ST6GALNAC3: variants seen among roughly 807,000 people sequenced by gnomAD.
ST6GALNAC3 encodes alpha-N-acetylgalactosaminide alpha-2,6-sialyltransferase 3.
A neutral mutation model predicts 32.7 loss-of-function variants in ST6GALNAC3; 25 were observed. The observed-to-expected ratio is 0.76, with a 90% confidence interval of 0.56 to 1.07. ST6GALNAC3 has a LOEUF of 1.07. Ranked by LOEUF, ST6GALNAC3 falls within the 50% of genes least tolerant of loss-of-function variation. ST6GALNAC3 has a pLI of 0.00. For synonymous variants in ST6GALNAC3, 129 were observed against 133.1 expected, an observed-to-expected ratio of 0.97 and a Z score of 0.21; for missense variants, 355 against 382.4, an observed-to-expected ratio of 0.93 and a Z score of 0.60.
chr1:76,428,915 AAT>A (rs1241550038), intron 3 of ST6GALNAC3, among the ~76,000 whole-genome samples: 1 of 152,146 alleles, frequency 6.6e-6, no homozygotes, highest in Non-Finnish European at 1.5e-5. Context: ...CATCTCATAT[AAT>A]ATGAGTTTTG....
chr1:76,305,727 C>T (rs148378411), intron 1 of ST6GALNAC3, among the ~76,000 whole-genome samples: 37 of 152,090 alleles, frequency 2.4e-4, no homozygotes, highest in African/African-American at 8.0e-4. Context: ...ATAGAGTGTA[C>T]GTGCATGAAT....
intron 3 of ST6GALNAC3, among the ~76,000 whole-genome samples, chr1:76,545,258 A>G (rs1664221734): frequency 1.3e-5 from 2 of 152,170 alleles, no homozygotes; most frequent in African/African-American, 2.4e-5. Flanking sequence ...CCTATCCTAC[A>G]TTGCAAAATC....
chr1:76,385,019 T>C (rs1199247012), intron 2 of ST6GALNAC3, among the ~76,000 whole-genome samples: 1 of 152,080 alleles, frequency 6.6e-6, no homozygotes. Context: ...TACCATAATA[T>C]TTCATTTATA....
chr1:76,378,842 T>C (rs1410997670), intron 2 of ST6GALNAC3, among the ~76,000 whole-genome samples: 1 of 152,130 alleles, frequency 6.6e-6, no homozygotes, highest in Non-Finnish European at 1.5e-5. Flanking sequence ...TTCCCAACTT[T>C]TATGGTGTAG....
At chr1:76,089,140 T>A (rs1337930514) in intron 1 of ST6GALNAC3, among the ~76,000 whole-genome samples, 1 of 152,314 alleles carries the variant, frequency 6.6e-6, no homozygotes, top group East Asian at 1.9e-4. Flanking sequence ...ACCATTCTCC[T>A]GCCTCAGCTT....
chr1:76,457,343 G>GA (rs1388160352), intron 3 of ST6GALNAC3, among the ~76,000 whole-genome samples: 2 of 152,116 alleles, frequency 1.3e-5, no homozygotes, highest in African/African-American at 4.8e-5. Context: ...CACGGAACTG[G>GA]AAAAAACTAC....
At chr1:76,293,205 C>T (rs1332356337) in intron 1 of ST6GALNAC3, among the ~76,000 whole-genome samples, 2 of 152,098 alleles carry the variant, frequency 1.3e-5, no homozygotes, top group Non-Finnish European at 2.9e-5. Context: ...AATGATACTG[C>T]TTAACCAATC....
chr1:76,481,479 G>A (rs1659719370), intron 3 of ST6GALNAC3, among the ~76,000 whole-genome samples: 1 of 152,084 alleles, frequency 6.6e-6, no homozygotes, highest in African/African-American at 2.4e-5. Flanking sequence ...ACCTCTCAAG[G>A]TCATTTTTAG....
rs146487671 is a variant in ST6GALNAC3, at chr1:76,192,471, A to C, written c.18+117587A>C. On this transcript the variant is annotated intron_variant, in intron 1 of 4. Coordinates refer to ENST00000328299, the MANE Select transcript of ST6GALNAC3 (RefSeq NM_152996.4). ...AGGACATCTGTGAGAATGCCGAAGG[A>C]GAAGGTAAAGAGAGGCACGCTTCAA... is the stretch of plus-strand genomic sequence containing the variant. 3.4e-3 allele frequency among the ~76,000 whole-genome samples: 513 copies of C among 152,248 alleles called. 4 individuals are homozygous for C. The highest frequency in any genetic ancestry group is 8.5e-3 in the African/African-American group (355 of 41,542).
intron 3 of ST6GALNAC3, among the ~76,000 whole-genome samples, chr1:76,458,747 A>AG (rs1372303995): frequency 1.3e-5 from 1 of 78,802 alleles, no homozygotes; most frequent in African/African-American, 5.2e-5. Flanking sequence ...GGGTGGGGGG[A>AG]GGGGGAGGGA....
intron 1 of ST6GALNAC3, among the ~76,000 whole-genome samples, chr1:76,190,554 A>G (rs889805689): frequency 5.9e-5 from 9 of 152,244 alleles, no homozygotes; most frequent in African/African-American, 1.9e-4. Flanking sequence ...AGAATTTCCC[A>G]CAATCGTACA....
chr1:76,280,568 T>C (rs1659440287), intron 1 of ST6GALNAC3, among the ~76,000 whole-genome samples: 1 of 152,144 alleles, frequency 6.6e-6, no homozygotes, highest in African/African-American at 2.4e-5. Context: ...AGACAGAAGA[T>C]TGAGTTGGAT....
intron 3 of ST6GALNAC3, among the ~76,000 whole-genome samples, chr1:76,619,948 A>G (rs1301972803): frequency 6.6e-6 from 1 of 152,008 alleles, no homozygotes; most frequent in Non-Finnish European, 1.5e-5. Context: ...ATCCTCTTCA[A>G]TTCCCTCAGC....
intron 1 of ST6GALNAC3, among the ~76,000 whole-genome samples, chr1:76,079,035 GC>G (rs1034826391): frequency 1.3e-5 from 2 of 152,110 alleles, no homozygotes; most frequent in Non-Finnish European, 2.9e-5. Flanking sequence ...GTGTGCCTTG[GC>G]CTCCCAAAGT....
intron 1 of ST6GALNAC3, among the ~76,000 whole-genome samples, chr1:76,082,672 C>T (rs1390156239): frequency 6.6e-6 from 1 of 152,118 alleles, no homozygotes; most frequent in East Asian, 1.9e-4. Flanking sequence ...CTTTAATAAA[C>T]AGCAGCCCTA....
intron 1 of ST6GALNAC3, among the ~76,000 whole-genome samples, chr1:76,162,423 A>C (rs1351189276): frequency 6.6e-6 from 1 of 152,220 alleles, no homozygotes; most frequent in Non-Finnish European, 1.5e-5. Context: ...CTAATGATTA[A>C]TAACATGGCC....
chr1:76,454,390 T>C (rs1215779964), intron 3 of ST6GALNAC3, among the ~76,000 whole-genome samples: 1 of 152,158 alleles, frequency 6.6e-6, no homozygotes, highest in East Asian at 1.9e-4. Context: ...ATGAGATTTG[T>C]ACTTTAAGGA....
intron 3 of ST6GALNAC3, among the ~76,000 whole-genome samples, chr1:76,430,983 C>T (rs1655712740): frequency 6.6e-6 from 1 of 152,060 alleles, no homozygotes; most frequent in African/African-American, 2.4e-5. Context: ...TGCCCTCTAC[C>T]CTGAACTCAA....
intron 3 of ST6GALNAC3, among the ~76,000 whole-genome samples, chr1:76,495,842 C>T (rs1025019710): frequency 3.9e-5 from 6 of 152,080 alleles, no homozygotes; most frequent in East Asian, 1.9e-4. Context: ...AATCAAATAT[C>T]GAAGATGTTT....
Sources: allele counts gnomAD v4.1 joint callset (sites outside exome capture counted in the v4.1 genomes callset), GRCh38; gene constraint gnomAD v4.1.1; transcripts MANE v1.5; gene names NCBI Gene and HGNC (gene_info 2026-07-23, HGNC 2026-07-21).